TDRD7: variants seen among roughly 807,000 people sequenced by gnomAD.
TDRD7 encodes the protein tudor domain-containing protein 7.
TDRD7 carries 47 observed loss-of-function variants against 109.8 expected under a neutral mutation model. The observed-to-expected ratio is 0.43, with a 90% CI of 0.34 to 0.55. The LOEUF (loss-of-function observed/expected upper bound fraction) is 0.55, where lower values mean the gene tolerates loss of function less well. Among genes scored for constraint, TDRD7 ranks in the 20% least tolerant of loss-of-function variants. TDRD7 has a pLI of 0.03. For synonymous variants in TDRD7, 424 were observed against 457.3 expected (o/e 0.93, Z 0.93); for missense variants, 1,164 against 1,319.2 (o/e 0.88, Z 1.82).
At chr9:97,427,243 TG>T (rs1828014240) in intron 1 of TDRD7, among the ~76,000 whole-genome samples, 1 of 152,212 alleles carries the variant, frequency 6.6e-6, no homozygotes. Context: ...CTCCTGAATT[TG>T]TCTTTTTTTT....
intron 10 of TDRD7, among the ~76,000 whole-genome samples, chr9:97,472,941 A>G (rs1280175977): frequency 6.6e-6 from 1 of 152,206 alleles, no homozygotes; most frequent in Non-Finnish European, 1.5e-5. Flanking sequence ...GATTTCATAG[A>G]AACAATGGGA....
At chr9:97,447,785 T>C (rs1828427150) in intron 6 of TDRD7, among the ~76,000 whole-genome samples, 2 of 152,204 alleles carry the variant, frequency 1.3e-5, no homozygotes, top group African/African-American at 4.8e-5. Flanking sequence ...CCACAGCTAC[T>C]GGCCAAAAGC....
At position 97,483,058 on chromosome 9, in the gene TDRD7, A is replaced by G; in HGVS notation, c.2622A>G (p.Gly874=). ...NGNMPMSGNT[G]ENFRKNLTDV... Reference sequence around the variant, plus strand: ...ACATGCCCATGTCGGGCAACACTGGAGAGAATTTCAGAAAGAACCTCACAG... The same window carrying G: ...ACATGCCCATGTCGGGCAACACTGGGGAGAATTTCAGAAAGAACCTCACAG... The change falls in exon 15 of 17, where the codon GGA becomes GGG. Residue 874 remains glycine (G), a synonymous_variant. Coordinates refer to ENST00000355295, the MANE Select transcript of TDRD7 (RefSeq NM_014290.3). 1 of 1,614,162 alleles carries G rather than the reference A, an allele frequency of 6.2e-7. No homozygotes were observed. Among genetic ancestry groups the G allele is most frequent in the Non-Finnish European group, 8.5e-7 (1 of 1,180,034 alleles).
chr9:97,477,805 TATA>T (rs1201818390), intron 12 of TDRD7, among the ~76,000 whole-genome samples: 2 of 152,194 alleles, frequency 1.3e-5, no homozygotes, highest in Non-Finnish European at 2.9e-5. Context: ...GACTGTATCT[TATA>T]ATCAGCAATA....
chr9:97,426,577 A>C (rs1202096645), intron 1 of TDRD7, among the ~76,000 whole-genome samples: 1 of 152,184 alleles, frequency 6.6e-6, no homozygotes. Context: ...AACTTTTTAA[A>C]TTAAAAACTA....
intron 6 of TDRD7, 70 bp from the exon 7 acceptor site, chr9:97,460,108 G>T: frequency 2.4e-6 from 3 of 1,273,708 alleles, no homozygotes; most frequent in Middle Eastern, 1.9e-4. Context: ...AATTTAGAAT[G>T]CATTAATGTG....
intron 16 of TDRD7, among the ~76,000 whole-genome samples, chr9:97,488,886 C>G (rs1403324786): frequency 6.6e-6 from 1 of 152,152 alleles, no homozygotes; most frequent in Non-Finnish European, 1.5e-5. Context: ...TTTTTCATTT[C>G]TCTTGAAATG....
intron 1 of TDRD7, among the ~76,000 whole-genome samples, chr9:97,421,084 G>A (rs1055424824): frequency 8.0e-4 from 121 of 150,500 alleles, no homozygotes; most frequent in African/African-American, 2.7e-3. Flanking sequence ...GCAGTGAGCC[G>A]AGATCGGGCT....
chr9:97,493,531 C>T (rs547436547), intron 16 of TDRD7, among the ~76,000 whole-genome samples: 12 of 152,148 alleles, frequency 7.9e-5, no homozygotes, highest in African/African-American at 2.2e-4. Flanking sequence ...AGGACCGGGG[C>T]GAAATTAAAA....
At chr9:97,475,535 G>GT (rs59133420) in intron 12 of TDRD7, 66 bp downstream of exon 12, 32,726 of 1,162,774 alleles carry the variant, frequency 0.028, 743 homozygotes, top group African/African-American at 0.087. Flanking sequence ...ATACACATAG[G>GT]TTTTTTTAAA....
chr9:97,465,096 T>C (rs1828800160), intron 8 of TDRD7, 68 bp downstream of exon 8: 3 of 1,520,138 alleles, frequency 2.0e-6, no homozygotes, highest in Non-Finnish European at 2.7e-6. Flanking sequence ...AATGTAAATA[T>C]TTTTTACATT....
intron 13 of TDRD7, 115 bp from the exon 14 acceptor site, chr9:97,480,713 G>A: frequency 1.2e-6 from 1 of 849,468 alleles, no homozygotes. Flanking sequence ...ATTAGCTGTT[G>A]TTGCTTGCTG....
At chr9:97,428,372 T>TA (rs1194666279) in intron 1 of TDRD7, 88 bp from the exon 2 acceptor site, 2 of 1,303,076 alleles carry the variant, frequency 1.5e-6, no homozygotes, top group Admixed American at 1.9e-5. Flanking sequence ...TAATAATTTA[T>TA]AAAGTAACAA....
intron 12 of TDRD7, among the ~76,000 whole-genome samples, chr9:97,476,070 T>C (rs1250291350): frequency 4.6e-5 from 7 of 152,206 alleles, no homozygotes; most frequent in African/African-American, 1.7e-4. Context: ...CCAGGGTACA[T>C]ACATAGGAAT....
chr9:97,445,298 G>C (rs987990858), intron 6 of TDRD7, among the ~76,000 whole-genome samples: 1 of 149,760 alleles, frequency 6.7e-6, no homozygotes, highest in Non-Finnish European at 1.5e-5. Flanking sequence ...GACTTGACTG[G>C]TATTTATAAA....
chr9:97,475,065 A>T (rs961184997), intron 11 of TDRD7, among the ~76,000 whole-genome samples: 2 of 152,218 alleles, frequency 1.3e-5, no homozygotes, highest in Admixed American at 1.3e-4. Context: ...TGTCAGATTC[A>T]ACACCTCTCT....
In TDRD7 at chr9:97,495,692, G is replaced by T; in HGVS notation, c.3106G>T (p.Ala1036Ser). The change falls in exon 17 of 17, where the codon GCT becomes TCT. Residue 1036 changes from alanine to serine, a missense_variant. By Grantham distance (99) the Ala-to-Ser change is moderately conservative. This residue lies in a region of TDRD7 where 162 missense variants were observed against 222.5 expected (regional missense o/e 0.73). Coordinates refer to ENST00000355295, the MANE Select transcript of TDRD7 (RefSeq NM_014290.3). ...GVKCNQWSEE[A>S]SMVFRNHVEK... ...GAAGTGCAACCAGTGGTCTGAGGAG[G>T]CTTCTATGGTGTTTCGAAATCATGT... 1 of 1,614,152 alleles carries T rather than the reference G, an allele frequency of 6.2e-7. No homozygotes were observed. Among genetic ancestry groups the T allele is most frequent in the South Asian group, 1.1e-5 (1 of 91,078 alleles).
At chr9:97,463,380 G>GTTTTTT (rs1179946909) in intron 7 of TDRD7, among the ~76,000 whole-genome samples, 1 of 125,698 alleles carries the variant, frequency 8.0e-6, no homozygotes, top group Non-Finnish European at 1.7e-5. Flanking sequence ...TCTGAGTTTT[G>GTTTTTT]TTTTTTTTTT....
At chr9:97,431,146 A>G in intron 3 of TDRD7, 72 bp downstream of exon 3, 2 of 1,586,696 alleles carry the variant, frequency 1.3e-6, no homozygotes, top group Non-Finnish European at 1.7e-6. Context: ...TTATGGAAAT[A>G]TTGTTTGTAT....
Sources: allele counts gnomAD v4.1 joint callset (sites outside exome capture counted in the v4.1 genomes callset), GRCh38; gene constraint gnomAD v4.1.1; regional missense constraint gnomAD v4.1.1; transcripts MANE v1.5; gene names NCBI Gene and HGNC (gene_info 2026-07-23, HGNC 2026-07-21).